Variants in RELB observed in about 807,000 individuals in gnomAD.
The protein encoded by RELB is RELB proto-oncogene, NF-kB subunit.
A neutral mutation model predicts 55.4 loss-of-function variants in RELB; 14 were observed. The ratio of observed to expected loss-of-function variants is 0.25; its 90% confidence interval spans 0.17 to 0.40. The LOEUF (loss-of-function observed/expected upper bound fraction) is 0.40. Ranked by LOEUF, RELB falls within the 10% of genes least tolerant of loss-of-function variation. RELB has a pLI of 1.00. For synonymous variants in RELB, 409 were observed against 371.3 expected, an observed-to-expected ratio of 1.10 and a Z score of -1.17; for missense variants, 669 against 830.7, an observed-to-expected ratio of 0.81 and a Z score of 2.39.
chr19:45,022,471 T>C (rs965045253), intron 5 of RELB, among the ~76,000 whole-genome samples: 1 of 151,990 alleles, frequency 6.6e-6, no homozygotes, highest in Non-Finnish European at 1.5e-5. Context: ...CACAGATAAT[T>C]GATGACAGAG....
chr19:45,025,459 C>T lies in RELB; in HGVS notation c.754+39C>T, dbSNP rs754906444. On this transcript the variant is annotated intron_variant, in intron 6 of 11. Transcript: ENST00000221452. The stretch of plus-strand genomic sequence containing the variant: ...GCCTGACCTGACCATCCCGTCCTCC[C>T]AAACCCCTTGACTTCCGTGCTCACC... 5 of 1,584,924 alleles carry T rather than the reference C, an allele frequency of 3.2e-6. No individual in the cohort carries two copies. In the South Asian group the frequency reaches 5.6e-5, roughly 18 times the overall value.
intron 6 of RELB, 81 bp from the exon 7 acceptor site, chr19:45,025,524 GC>G: frequency 6.3e-7 from 1 of 1,583,512 alleles, no homozygotes; most frequent in East Asian, 2.3e-5. Flanking sequence ...GTCTCCTCCA[GC>G]CCCATCCCTT....
rs750262320 is a variant in RELB, at chr19:45,011,996, C to G, written c.224C>G (p.Pro75Arg). ...GGCCTGGACGGGGGACAGCCGGGCC[C>G]GGGCGAGGGGCTGCCACGCCTGGTG... ...GFGLDGGQPG[P>R]GEGLPRLVSR... Residue 75 changes from proline (P) to arginine (R), a missense_variant, in exon 4 of 12, where the codon CCG becomes CGG. This residue lies in a region of RELB where 323 missense variants were observed against 368.5 expected (regional missense o/e 0.88). Transcript: ENST00000221452. 1.2e-5 allele frequency: 19 copies of G among 1,573,302 alleles called. No individual in the cohort carries two copies. In the East Asian group the frequency reaches 3.6e-4, roughly 30 times the overall value.
chr19:45,037,300 G>C, intron 11 of RELB, 105 bp from the exon 12 acceptor site: 1 of 1,204,494 alleles, frequency 8.3e-7, no homozygotes, highest in South Asian at 1.7e-5. Flanking sequence ...AAAAAAAAAG[G>C]CCACCTTGAT....
intron 7 of RELB, among the ~76,000 whole-genome samples, chr19:45,028,041 G>A (rs2122475010): frequency 6.6e-6 from 1 of 152,134 alleles, no homozygotes; most frequent in Non-Finnish European, 1.5e-5. Flanking sequence ...CACCACACCT[G>A]GCTAAGTTTT....
At chr19:45,022,322 C>G in intron 5 of RELB, 112 bp downstream of exon 5, 4 of 1,069,688 alleles carry the variant, frequency 3.7e-6, no homozygotes, top group Non-Finnish European at 5.4e-6. Flanking sequence ...ACCCTCCCCA[C>G]TGCCTCTTCT....
chr19:45,020,184 C>T (rs566480155), intron 4 of RELB, among the ~76,000 whole-genome samples: 6 of 151,904 alleles, frequency 3.9e-5, no homozygotes, highest in Non-Finnish European at 7.4e-5. Flanking sequence ...CACCCAGGCA[C>T]CCAGGTCACA....
At chr19:45,015,147 C>T (rs1277097880) in intron 4 of RELB, among the ~76,000 whole-genome samples, 2 of 149,738 alleles carry the variant, frequency 1.3e-5, no homozygotes, top group African/African-American at 2.5e-5. Context: ...AGGTAATCCA[C>T]CTGCCTCGGC....
intron 2 of RELB, 121 bp from the exon 3 acceptor site, chr19:45,009,693 G>C: frequency 8.6e-7 from 1 of 1,156,592 alleles, no homozygotes; most frequent in Non-Finnish European, 1.3e-6. Flanking sequence ...GGTTTCCCAG[G>C]ACGGAGGAAG....
intron 3 of RELB, 24 bp from the exon 4 acceptor site, chr19:45,011,912 C>T (rs781543992): frequency 7.0e-7 from 1 of 1,426,380 alleles, no homozygotes; most frequent in South Asian, 1.4e-5. Flanking sequence ...TGGGCGTCAC[C>T]ACCCGTTTTT....
At chr19:45,026,119 A>G (rs1460119886) in intron 7 of RELB, among the ~76,000 whole-genome samples, 4 of 152,120 alleles carry the variant, frequency 2.6e-5, no homozygotes, top group African/African-American at 7.2e-5. Flanking sequence ...GCAGGCGACT[A>G]TAATCCCAGC....
chr19:45,036,319 C>T (rs1029879176), intron 11 of RELB, among the ~76,000 whole-genome samples: 2 of 152,102 alleles, frequency 1.3e-5, no homozygotes, highest in African/African-American at 2.4e-5. Flanking sequence ...GTAATCTGCC[C>T]GCCTCGGCCT....
chr19:45,025,302 C>G, intron 5 of RELB, 27 bp from the exon 6 acceptor site: 1 of 1,554,122 alleles, frequency 6.4e-7, no homozygotes, highest in Non-Finnish European at 8.8e-7. Context: ...CACGAGCACT[C>G]CTCTCCCTCC....
intron 2 of RELB, chr19:45,008,837 C>T: frequency 7.1e-6 from 2 of 280,218 alleles, no homozygotes. Flanking sequence ...GGCCTCTGGG[C>T]TTCCCCTTGT....
intron 8 of RELB, among the ~76,000 whole-genome samples, chr19:45,029,949 C>T (rs1971601159): frequency 6.6e-6 from 1 of 152,102 alleles, no homozygotes; most frequent in Non-Finnish European, 1.5e-5. Context: ...GGGCAGATCA[C>T]TTGAACTCAG....
At chr19:45,031,567 G>A (rs1203431725) in intron 8 of RELB, among the ~76,000 whole-genome samples, 2 of 152,088 alleles carry the variant, frequency 1.3e-5, no homozygotes, top group East Asian at 3.9e-4. Context: ...ACATGAGGGG[G>A]ATATTAATTC....
At chr19:45,016,917 C>A (rs1971426340) in intron 4 of RELB, among the ~76,000 whole-genome samples, 1 of 152,120 alleles carries the variant, frequency 6.6e-6, no homozygotes, top group African/African-American at 2.4e-5. Context: ...GGGATCTGGT[C>A]ATTTTAAACA....
At chr19:45,003,928 T>TTTTG (rs1568395647) in intron 2 of RELB, among the ~76,000 whole-genome samples, 1 of 128,368 alleles carries the variant, frequency 7.8e-6, no homozygotes, top group East Asian at 2.3e-4. Flanking sequence ...TTTTTTTTTT[T>TTTTG]TTTTTTTTTT....
At chr19:45,003,065 T>C (rs1971234431) in intron 2 of RELB, 69 bp downstream of exon 2, 11 of 1,443,666 alleles carry the variant, frequency 7.6e-6, no homozygotes, top group African/African-American at 1.4e-5. Context: ...TCCACAGAGA[T>C]GTCTCTGTTT....
Sources: allele counts gnomAD v4.1 joint callset (sites outside exome capture counted in the v4.1 genomes callset), GRCh38; gene constraint gnomAD v4.1.1; regional missense constraint gnomAD v4.1.1; transcripts MANE v1.5; gene names NCBI Gene and HGNC (gene_info 2026-07-23, HGNC 2026-07-21).